MCC: variants seen among roughly 807,000 people sequenced by gnomAD.
MCC encodes the protein colorectal mutant cancer protein.
In MCC, 90 loss-of-function variants were observed where a neutral mutation model predicts 116.2. The ratio of observed to expected loss-of-function variants is 0.77; its 90% CI spans 0.65 to 0.92. MCC has a LOEUF of 0.92. Among genes scored for constraint, MCC ranks in the 40% least tolerant of loss-of-function variants. The pLI, the probability that MCC is intolerant of heterozygous loss-of-function variation, is 0.00. For missense variants in MCC, 1,516 were observed against 1,312.2 expected, an observed-to-expected ratio of 1.16 and a Z score of -2.40; for synonymous variants, 578 against 510.5, an observed-to-expected ratio of 1.13 and a Z score of -1.78.
intron 15 of MCC, among the ~76,000 whole-genome samples, chr5:113,051,115 C>G: frequency 6.6e-6 from 1 of 152,114 alleles, no homozygotes; most frequent in East Asian, 1.9e-4. Flanking sequence ...ACAACTAGTC[C>G]TAAACCTCAG....
intron 14 of MCC, among the ~76,000 whole-genome samples, chr5:113,060,914 G>A (rs942986625): frequency 6.6e-6 from 1 of 152,186 alleles, no homozygotes; most frequent in African/African-American, 2.4e-5. Flanking sequence ...GACTGTTTCA[G>A]CCAGATCTAG....
intron 3 of MCC, among the ~76,000 whole-genome samples, chr5:113,157,591 G>A (rs74815496): frequency 0.022 from 3,353 of 152,284 alleles, 50 homozygotes; most frequent in Middle Eastern, 0.085. Context: ...GAGTTCATCT[G>A]GGGTAAACTG....
At chr5:113,292,591 T>A (rs1766546003) in intron 3 of MCC, among the ~76,000 whole-genome samples, 1 of 151,956 alleles carries the variant, frequency 6.6e-6, no homozygotes, top group African/African-American at 2.4e-5. Context: ...AAAAAATGGG[T>A]AATTTTATGT....
chr5:113,184,651 C>G (rs1761808077), intron 3 of MCC, among the ~76,000 whole-genome samples: 2 of 151,502 alleles, frequency 1.3e-5, no homozygotes, highest in South Asian at 4.2e-4. Flanking sequence ...TTTCTATAAC[C>G]CTATAGGAAC....
intron 15 of MCC, among the ~76,000 whole-genome samples, chr5:113,052,289 C>T (rs1752535826): frequency 1.3e-5 from 2 of 152,160 alleles, no homozygotes; most frequent in Non-Finnish European, 2.9e-5. Flanking sequence ...CCACAGGCTG[C>T]AAGCATCTGC....
At chr5:113,052,285 G>T (rs769351627) in intron 15 of MCC, among the ~76,000 whole-genome samples, 4 of 152,196 alleles carry the variant, frequency 2.6e-5, no homozygotes, top group Non-Finnish European at 5.9e-5. Flanking sequence ...CGTGCCACAG[G>T]CTGCAAGCAT....
At chr5:113,468,990 C>T (rs996655285) in intron 1 of MCC, among the ~76,000 whole-genome samples, 1 of 152,200 alleles carries the variant, frequency 6.6e-6, no homozygotes, top group Non-Finnish European at 1.5e-5. Flanking sequence ...ATAGTACTCT[C>T]TGATGGTAGT....
At chr5:113,328,571 C>T (rs1186193630) in intron 3 of MCC, among the ~76,000 whole-genome samples, 2 of 152,198 alleles carry the variant, frequency 1.3e-5, no homozygotes, top group Non-Finnish European at 2.9e-5. Context: ...GTTTCAAATG[C>T]ATCTCTGATA....
At chr5:113,478,866 T>G (rs1005153047) in intron 1 of MCC, among the ~76,000 whole-genome samples, 10 of 152,190 alleles carry the variant, frequency 6.6e-5, no homozygotes, top group Non-Finnish European at 1.3e-4. Context: ...ATTATCCACT[T>G]TCTTTCCCTG....
At chr5:113,144,438 C>G (rs1759370620) in intron 4 of MCC, among the ~76,000 whole-genome samples, 1 of 152,218 alleles carries the variant, frequency 6.6e-6, no homozygotes, top group Admixed American at 6.5e-5. Flanking sequence ...ACAAGGTTTT[C>G]TTAGTGCCAA....
intron 11 of MCC, among the ~76,000 whole-genome samples, chr5:113,075,365 C>T (rs1012707277): frequency 8.5e-5 from 13 of 152,334 alleles, no homozygotes; most frequent in East Asian, 1.9e-4. Flanking sequence ...CGATGGGTGC[C>T]GCCCCCTGCT....
chr5:113,293,716 G>T (rs555946043), intron 3 of MCC, among the ~76,000 whole-genome samples: 7 of 152,234 alleles, frequency 4.6e-5, no homozygotes, highest in African/African-American at 1.4e-4. Context: ...TTGCAAATGC[G>T]CTTGCCTCAA....
intron 3 of MCC, among the ~76,000 whole-genome samples, chr5:113,260,450 T>C (rs1055480628): frequency 1.3e-5 from 2 of 152,112 alleles, no homozygotes; most frequent in Non-Finnish European, 2.9e-5. Context: ...TTGAAGTACA[T>C]AAAGAAAAAT....
At chr5:113,331,931 C>G (rs184487764) in intron 3 of MCC, among the ~76,000 whole-genome samples, 1 of 151,786 alleles carries the variant, frequency 6.6e-6, no homozygotes, top group African/African-American at 2.4e-5. Context: ...GCCACTGCCT[C>G]TGACTATGAT....
At chr5:113,182,469 C>T (rs1379597903) in intron 3 of MCC, among the ~76,000 whole-genome samples, 1 of 152,136 alleles carries the variant, frequency 6.6e-6, no homozygotes, top group African/African-American at 2.4e-5. Flanking sequence ...ATTCTCCTAA[C>T]TTCAAAAGGC....
At chr5:113,285,619 G>C (rs76811712) in intron 3 of MCC, among the ~76,000 whole-genome samples, 4,373 of 152,108 alleles carry the variant, frequency 0.029, 210 homozygotes, top group African/African-American at 0.099. Context: ...TGAAATGATT[G>C]TCCCCCATCT....
Position 113,175,767 on chromosome 5 carries a change from A to G in MCC, c.628-24345T>C, listed in dbSNP as rs1320101767. ...CTCTAAAATACATTCAATTTTAAGG[A>G]AGAGATATAGTCATCCCCAATCATC... On this transcript the variant is annotated intron_variant, in intron 3 of 18. Transcript: ENST00000408903. Among the ~76,000 whole-genome samples, 4 of 152,148 alleles carry G rather than the reference A, an allele frequency of 2.6e-5. No homozygotes were observed. The South Asian group carries it at 6.2e-4, about 24-fold the overall frequency.
chr5:113,223,689 A>G (rs1308930893), intron 3 of MCC, among the ~76,000 whole-genome samples: 2 of 152,176 alleles, frequency 1.3e-5, no homozygotes, highest in Admixed American at 6.5e-5. Flanking sequence ...AGCCTAGACC[A>G]CAGAATGACC....
At chr5:113,216,106 C>T (rs995648893) in intron 3 of MCC, among the ~76,000 whole-genome samples, 2 of 152,096 alleles carry the variant, frequency 1.3e-5, no homozygotes, top group African/African-American at 4.8e-5. Context: ...ATAGGTATGC[C>T]CCCTTTATTT....
Sources: allele counts gnomAD v4.1 joint callset (sites outside exome capture counted in the v4.1 genomes callset), GRCh38; gene constraint gnomAD v4.1.1; transcripts MANE v1.5; gene names NCBI Gene and HGNC (gene_info 2026-07-23, HGNC 2026-07-21).